Variants in ACRBP observed in about 807,000 individuals in gnomAD.
The protein encoded by ACRBP is acrosin-binding protein.
Under a neutral mutation model 69.0 loss-of-function variants are expected in ACRBP, and 52 were observed. The observed-to-expected ratio is 0.75, with a 90% CI of 0.60 to 0.95. The LOEUF is 0.95. Ranked by LOEUF, ACRBP falls within the 40% of genes least tolerant of loss-of-function variation. The pLI, the probability that ACRBP is intolerant of heterozygous loss-of-function variation, is 0.00. For synonymous variants in ACRBP, 267 were observed against 258.9 expected, an observed-to-expected ratio of 1.03 and a Z score of -0.30; for missense variants, 604 against 673.0, an observed-to-expected ratio of 0.90 and a Z score of 1.13.
In ACRBP at chr12:6,643,553, C is replaced by T; in HGVS notation, c.1063G>A (p.Gly355Ser). The change falls in exon 6 of 10, where the codon GGT becomes AGT. Residue 355 changes from glycine to serine, a missense_variant. Gly to Ser is a moderately conservative substitution (Grantham distance 56). This residue lies in a region of ACRBP where 532 missense variants were observed against 562.9 expected (regional missense o/e 0.95). Coordinates refer to ENST00000229243, the MANE Select transcript of ACRBP (RefSeq NM_032489.3). The stretch of plus-strand genomic sequence containing the variant: ...GGCTGGCATACCGACTTCCCGAAAC[C>T]AAGGATCTCCTCCTCCATGTACTTC... Reference protein sequence around the residue: ...AWKYMEEEILGFGKSVCDSLG... With the variant: ...AWKYMEEEILSFGKSVCDSLG... 6.2e-7 allele frequency: 1 copy of T among 1,614,196 alleles called. No individual in the cohort carries two copies. The highest frequency in any genetic ancestry group is 8.5e-7 in the Non-Finnish European group (1 of 1,180,016).
intron 2 of ACRBP, 91 bp from the exon 3 acceptor site, chr12:6,646,668 G>C (rs1949092013): frequency 1.3e-6 from 2 of 1,503,442 alleles, no homozygotes; most frequent in East Asian, 2.3e-5. Context: ...GGAGGGTGGA[G>C]AGTACGAGCT....
Position 6,638,161 on chromosome 12 carries a change from A to G in ACRBP, c.*121T>C, listed in dbSNP as rs1392667674. The stretch of plus-strand genomic sequence containing the variant: ...TCTCTGGGACTGTTGCTCCAACCCA[A>G]GGAAATGTGAGTAGGGGCCGAGTAA... On this transcript the variant is annotated 3_prime_UTR_variant, in exon 10 of 10. Transcript: ENST00000229243. 1 of 1,430,928 alleles carries G rather than the reference A, an allele frequency of 7.0e-7. No homozygotes were observed. The highest frequency in any genetic ancestry group is 9.5e-7 in the Non-Finnish European group (1 of 1,049,010). 88.6% of individuals were successfully genotyped at this position (1,430,928 alleles called of 1,614,324 possible).
At chr12:6,639,200 C>T (rs966454379) in intron 8 of ACRBP, among the ~76,000 whole-genome samples, 163 bp from the exon 9 acceptor site, 3 of 152,220 alleles carry the variant, frequency 2.0e-5, no homozygotes, top group Non-Finnish European at 4.4e-5. Context: ...TCTGCCTTTC[C>T]CCTGCCGCTC....
chr12:6,639,111 G>T, intron 8 of ACRBP, 74 bp from the exon 9 acceptor site: 2 of 1,395,804 alleles, frequency 1.4e-6, no homozygotes, highest in Non-Finnish European at 2.0e-6. Context: ...GGGAATATCT[G>T]CTAGGGCAGA....
intron 2 of ACRBP, 86 bp from the exon 3 acceptor site, chr12:6,646,663 G>A: frequency 6.6e-7 from 1 of 1,508,338 alleles, no homozygotes; most frequent in South Asian, 1.1e-5. Flanking sequence ...CATGGGGAGG[G>A]TGGAGAGTAC....
At chr12:6,638,855 A>G (rs1296991842) in intron 9 of ACRBP, 99 bp downstream of exon 9, 3 of 1,576,748 alleles carry the variant, frequency 1.9e-6, no homozygotes, top group African/African-American at 2.7e-5. Flanking sequence ...ACCGCTTTCC[A>G]CATCCTAGCT....
chr12:6,640,018 T>G lies in ACRBP; in HGVS notation c.1425+42A>C. On this transcript the variant is annotated intron_variant, in intron 8 of 9. Coordinates refer to ENST00000229243, the MANE Select transcript of ACRBP (RefSeq NM_032489.3). The surrounding 1 kb of genome is among the most constrained non-coding windows in gnomAD (Gnocchi z 5.3). ...CAGCAAGTAACTGGAAGGAATGGGG[T>G]GAGGGTAGGGATGGGGCTGAGCTTT... The G allele has an allele frequency of 6.2e-7, 1 of 1,603,754 alleles. No individual in the cohort carries two copies. Among genetic ancestry groups the G allele is most frequent in the Middle Eastern group, 1.7e-4 (1 of 6,008 alleles).
chr12:6,646,547 G>A lies in ACRBP; in HGVS notation c.293C>T (p.Ser98Phe). 1 of 1,614,158 alleles carries A rather than the reference G, an allele frequency of 6.2e-7. No homozygotes were observed. Among genetic ancestry groups the A allele is most frequent in the Non-Finnish European group, 8.5e-7 (1 of 1,180,032 alleles). The change falls in exon 3 of 10, where the codon TCC becomes TTC. Residue 98 changes from serine (S) to phenylalanine (F), a missense_variant. By Grantham distance (155) the Ser-to-Phe change is radical (BLOSUM62 -2). Transcript: ENST00000229243. The part of the protein sequence containing the change: ...GAVCSNLPYA[S>F]WFESFCQFTH... Reference sequence around the variant, plus strand: ...GAACTGGCAGAAAGACTCAAACCAGGAGGCATAAGGGAGGTTGGAGCAGAC... The same window carrying A: ...GAACTGGCAGAAAGACTCAAACCAGAAGGCATAAGGGAGGTTGGAGCAGAC...
chr12:6,644,075 C>T (rs1949070970), intron 5 of ACRBP, 62 bp downstream of exon 5: 1 of 1,521,580 alleles, frequency 6.6e-7, no homozygotes, highest in South Asian at 1.3e-5. Context: ...AAATGGGCTT[C>T]TCACTCCCAA....
At chr12:6,646,424 T>C in intron 3 of ACRBP, 59 bp downstream of exon 3, 1 of 1,507,376 alleles carries the variant, frequency 6.6e-7, no homozygotes, top group African/African-American at 1.4e-5. Context: ...AACTCCCCAC[T>C]GCTGCCGCCT....
At chr12:6,646,767 C>T (rs1202028310) in intron 2 of ACRBP, 27 bp downstream of exon 2, 2 of 1,612,194 alleles carry the variant, frequency 1.2e-6, no homozygotes, top group South Asian at 1.1e-5. Flanking sequence ...CTGGGTGCCT[C>T]GGTTTCCCCC....
intron 5 of ACRBP, among the ~76,000 whole-genome samples, chr12:6,643,877 T>C (rs553821136): frequency 1.9e-4 from 29 of 152,334 alleles, no homozygotes; most frequent in African/African-American, 6.7e-4. Flanking sequence ...TTTCTCAGGA[T>C]TGCAATGCTA....
At chr12:6,639,235 C>T (rs1380403558) in intron 8 of ACRBP, among the ~76,000 whole-genome samples, 198 bp from the exon 9 acceptor site, 1 of 152,200 alleles carries the variant, frequency 6.6e-6, no homozygotes, top group Non-Finnish European at 1.5e-5. Flanking sequence ...GGGAAGAAGC[C>T]AGGAGCCTGG....
rs959386028 is a variant in ACRBP at position 6,645,242 on chromosome 12, G to A, written c.453C>T (p.Ser151=). Residue 151 remains serine (S), a synonymous_variant, in exon 4 of 10, where the codon TCC becomes TCT. Coordinates refer to ENST00000229243, the MANE Select transcript of ACRBP (RefSeq NM_032489.3). ...SAEVSPTTMT[S]PISPHFTVTE... ...CACCTGTGAAGTGGGGTGAGATGGGGGAGGTCATCGTGGTGGGTGAGACTT... is the reference window on the plus strand; with the variant it reads ...CACCTGTGAAGTGGGGTGAGATGGGAGAGGTCATCGTGGTGGGTGAGACTT... The A allele has an allele frequency of 6.2e-7, 1 of 1,613,540 alleles. No homozygotes were observed. The highest frequency in any genetic ancestry group is 8.5e-7 in the Non-Finnish European group (1 of 1,179,736).
rs141160878 is a variant in ACRBP at position 6,640,123 on chromosome 12, G to C, written c.1362C>G (p.Val454=). ...ARLATKGCED[V]RVSGWLQTEF... Reference sequence around the variant, plus strand: ...CAGTCTGGAGCCACCCAGAGACTCGGACATCTTCACAGCCTTTCGTGGCAA... The same window carrying C: ...CAGTCTGGAGCCACCCAGAGACTCGCACATCTTCACAGCCTTTCGTGGCAA... Residue 454 remains valine (V), a synonymous_variant, in exon 8 of 10, where the codon GTC becomes GTG. Transcript: ENST00000229243. This position sits in a 1 kb window ranked among gnomAD's most constrained non-coding sequence, Gnocchi z 5.3. 4.1e-4 allele frequency: 667 copies of C among 1,614,184 alleles called. 4 individuals carry two copies. The African/African-American group carries it at 8.2e-3, about 20-fold the overall frequency.
intron 6 of ACRBP, among the ~76,000 whole-genome samples, chr12:6,642,346 G>A (rs993988970): frequency 6.6e-6 from 1 of 152,112 alleles, no homozygotes; most frequent in African/African-American, 2.4e-5. Flanking sequence ...GATCCATTGT[G>A]AGTTAATTTT....
chr12:6,645,666 G>GTTT (rs3054294), intron 3 of ACRBP, among the ~76,000 whole-genome samples: 2,315 of 142,586 alleles, frequency 0.016, 60 homozygotes, highest in Middle Eastern at 0.077. Flanking sequence ...TGTTTTTTTT[G>GTTT]TTTTTTTTTT....
In ACRBP at chr12:6,647,180, G is replaced by A. The variant is rs905437047; in HGVS notation, c.43+144C>T. 6.2e-6 allele frequency: 7 copies of A among 1,127,640 alleles called. No individual in the cohort carries two copies. In the African/African-American group the frequency reaches 7.9e-5, roughly 13 times the overall value. 69.9% of individuals were successfully genotyped at this position (1,127,640 alleles called of 1,614,324 possible). Reference sequence around the variant, plus strand: ...GGCAAAGGTCCGGCCGCGGGCGGGGGGAGATGGGAGTATCCCAGGACCTAG... The same window carrying A: ...GGCAAAGGTCCGGCCGCGGGCGGGGAGAGATGGGAGTATCCCAGGACCTAG... On this transcript the variant is annotated intron_variant, in intron 1 of 9. Coordinates refer to ENST00000229243, the MANE Select transcript of ACRBP (RefSeq NM_032489.3).
chr12:6,647,121 C>T lies in ACRBP; in HGVS notation c.44-109G>A, dbSNP rs564677550. 197 of 1,161,908 alleles carry T rather than the reference C, an allele frequency of 1.7e-4. 4 individuals are homozygous for T. The South Asian group carries it at 2.6e-3, about 15-fold the overall frequency. 72.0% of individuals were successfully genotyped at this position (1,161,908 alleles called of 1,614,324 possible). On this transcript the variant is annotated intron_variant, in intron 1 of 9. Transcript: ENST00000229243. ...ATTAGGAACGGGGTGAGGGTTATCC[C>T]TGCTGACCAGGGCGGGGGGAGTCTA...
Sources: gnomAD v4.1 joint callset for allele counts (sites outside exome capture counted in the v4.1 genomes callset) on GRCh38, gnomAD v4.1.1 for gene constraint, gnomAD v4.1.1 regional missense constraint, Gnocchi (gnomAD v3.1) non-coding constraint, MANE v1.5 for transcripts, NCBI Gene and HGNC (gene_info 2026-07-23, HGNC 2026-07-21) for gene names.